Variants in PPARA observed in about 807,000 individuals in gnomAD.
PPARA encodes peroxisome proliferator activated receptor alpha.
A neutral mutation model predicts 42.2 loss-of-function variants in PPARA; 22 were observed. The observed-to-expected ratio is 0.52, with a 90% confidence interval of 0.37 to 0.74. PPARA has a LOEUF of 0.74. Among genes scored for constraint, PPARA ranks in the 30% least tolerant of loss-of-function variants. PPARA has a pLI of 0.00. For synonymous variants in PPARA, 242 were observed against 239.3 expected (o/e 1.01, Z -0.10); for missense variants, 465 against 608.2 (o/e 0.76, Z 2.48).
In PPARA at chr22:46,236,983, A is replaced by G. The variant is rs1936235533; in HGVS notation, c.*1603A>G. 1.3e-5 allele frequency: 2 copies of G among 152,216 alleles called. No homozygotes were observed. The highest frequency in any genetic ancestry group is 2.9e-5 in the Non-Finnish European group (2 of 68,054). The allele number at this position is 152,216 out of a possible 1,614,324, so 9.4% of individuals were successfully genotyped here. A position where few individuals can be genotyped will look rare whatever the true frequency, so the allele number is the denominator to read the frequency against. On this transcript the variant is annotated 3_prime_UTR_variant, in exon 9 of 9. Transcript: ENST00000407236. The surrounding 1 kb of genome is among the most constrained non-coding windows in gnomAD (Gnocchi z 5.2). ...GTCAAGAATATATGGACCTGGAAAC[A>G]CTTTCTCTCTCTGTCCACCTGGTAG...
Position 46,158,709 on chromosome 22 carries a change from A to G in PPARA, c.-127+6739A>G, listed in dbSNP as rs73886755. On this transcript the variant is annotated intron_variant, in intron 2 of 8. Transcript: ENST00000407236. ...TAATAGGGATATTTAAGTGGGATGA[A>G]TTTTTTGAAGCATTTTCAGGCAGTT... Among the ~76,000 whole-genome samples, 976 of 152,278 alleles carry G rather than the reference A, an allele frequency of 6.4e-3. 5 individuals are homozygous for G. Among genetic ancestry groups the G allele is most frequent in the African/African-American group, 0.022 (909 of 41,552 alleles).
Position 46,218,246 on chromosome 22 carries a change from G to C in PPARA, c.370-17G>C, listed in dbSNP as rs201467784. 8.1e-6 allele frequency: 13 copies of C among 1,614,038 alleles called. No homozygotes were observed. ...AGTGGCCCAGGTCTTTAAATCCACTGTGTATTACCCTCACAGGGCTTCTTT... is the reference window on the plus strand; with the variant it reads ...AGTGGCCCAGGTCTTTAAATCCACTCTGTATTACCCTCACAGGGCTTCTTT... On this transcript the variant is annotated splice_polypyrimidine_tract_variant and intron_variant, in intron 5 of 8. Coordinates refer to ENST00000407236, the MANE Select transcript of PPARA (RefSeq NM_005036.6).
intron 2 of PPARA, among the ~76,000 whole-genome samples, chr22:46,159,939 T>G (rs753108259): frequency 1.3e-5 from 2 of 152,198 alleles, no homozygotes; most frequent in Non-Finnish European, 2.9e-5. Flanking sequence ...AGAGAGAGGT[T>G]TCCAGACCCA....
chr22:46,194,568 C>CTTTT (rs1158744441), intron 3 of PPARA, among the ~76,000 whole-genome samples: 16 of 125,520 alleles, frequency 1.3e-4, no homozygotes, highest in South Asian at 5.1e-4. Flanking sequence ...TTGCTTTTTC[C>CTTTT]TTTTTTTTTT....
Position 46,161,552 on chromosome 22 carries a change from C to G in PPARA, c.-127+9582C>G, listed in dbSNP as rs1307864393. 6.6e-6 allele frequency among the ~76,000 whole-genome samples: 1 copy of G among 152,078 alleles called. No homozygotes were observed. Among genetic ancestry groups the G allele is most frequent in the East Asian group, 1.9e-4 (1 of 5,196 alleles). The stretch of plus-strand genomic sequence containing the variant: ...AGTGAACCAAGATTGTGCCACTGCA[C>G]TCCAGCCTGGCAACAGCGAGACTCC... On this transcript the variant is annotated intron_variant, in intron 2 of 8. Transcript: ENST00000407236. This position sits in a 1 kb window ranked among gnomAD's most constrained non-coding sequence, Gnocchi z 4.8.
At position 46,233,762 on chromosome 22, in the gene PPARA, T is replaced by C. The variant is rs1416765348; in HGVS notation, c.1160-1371T>C. Among the ~76,000 whole-genome samples the C allele has an allele frequency of 1.3e-5, 2 of 152,154 alleles. No individual in the cohort carries two copies. Among genetic ancestry groups the C allele is most frequent in the African/African-American group, 2.4e-5 (1 of 41,430 alleles). ...ATAGAAAAATGTCCAGTGAGATATA[T>C]GTTAAACCTATTATGGTGGGATTAA... On this transcript the variant is annotated intron_variant, in intron 8 of 8. Coordinates refer to ENST00000407236, the MANE Select transcript of PPARA (RefSeq NM_005036.6). This position sits in a 1 kb window ranked among gnomAD's most constrained non-coding sequence, Gnocchi z 7.3.
chr22:46,209,106 T>C (rs949991214), intron 4 of PPARA, among the ~76,000 whole-genome samples: 3 of 152,330 alleles, frequency 2.0e-5, no homozygotes, highest in East Asian at 1.9e-4. Context: ...TCATATGTAG[T>C]GCTATTTTTG....
intron 7 of PPARA, among the ~76,000 whole-genome samples, chr22:46,228,193 G>C (rs1478131598): frequency 6.6e-6 from 1 of 152,224 alleles, no homozygotes; most frequent in Non-Finnish European, 1.5e-5. Context: ...CCCAGGCTTG[G>C]GTGTTCATGC....
In PPARA at chr22:46,232,016, A is replaced by C; in HGVS notation, c.936A>C (p.Gly312=). Residue 312 remains glycine, a synonymous_variant, in exon 8 of 9, where the codon GGA becomes GGC. Coordinates refer to ENST00000407236, the MANE Select transcript of PPARA (RefSeq NM_005036.6). This position sits in a 1 kb window ranked among gnomAD's most constrained non-coding sequence, Gnocchi z 5.3. ...ATCAAGTGACATTGCTAAAATACGGAGTTTATGAGGCCATATTCGCCATGC... is the reference window on the plus strand; with the variant it reads ...ATCAAGTGACATTGCTAAAATACGGCGTTTATGAGGCCATATTCGCCATGC... ...LNDQVTLLKY[G]VYEAIFAMLS... The C allele has an allele frequency of 1.2e-6, 2 of 1,614,142 alleles. No individual in the cohort carries two copies. The highest frequency in any genetic ancestry group is 1.7e-6 in the Non-Finnish European group (2 of 1,180,034).
Position 46,183,641 on chromosome 22 carries a change from C to T in PPARA, c.-43+6805C>T, listed in dbSNP as rs920028916. On this transcript the variant is annotated intron_variant, in intron 3 of 8. Coordinates refer to ENST00000407236, the MANE Select transcript of PPARA (RefSeq NM_005036.6). This position sits in a 1 kb window ranked among gnomAD's most constrained non-coding sequence, Gnocchi z 5.5. Reference sequence around the variant, plus strand: ...CCTGTAGTCCCAGTTACCCGGGAGGCTGAGGTGGGAGGATCACTTGAGCCT... The same window carrying T: ...CCTGTAGTCCCAGTTACCCGGGAGGTTGAGGTGGGAGGATCACTTGAGCCT... Among the ~76,000 whole-genome samples the T allele has an allele frequency of 6.6e-6, 1 of 152,130 alleles. No individual in the cohort carries two copies. Among genetic ancestry groups the T allele is most frequent in the African/African-American group, 2.4e-5 (1 of 41,428 alleles).
chr22:46,217,827 T>C, intron 5 of PPARA, among the ~76,000 whole-genome samples: 1 of 87,102 alleles, frequency 1.1e-5, no homozygotes, highest in African/African-American at 3.6e-5. Context: ...TTCTTTTTTT[T>C]TTTTTTTTTT....
At chr22:46,223,472 G>A (rs548062108) in intron 7 of PPARA, among the ~76,000 whole-genome samples, 39 of 150,884 alleles carry the variant, frequency 2.6e-4, no homozygotes, top group Non-Finnish European at 4.6e-4. Context: ...GTGAAACCCC[G>A]TCTCTACTAA....
chr22:46,214,671 CGCGCGGGTCCGGAGAT>C (rs1313653000), intron 4 of PPARA, among the ~76,000 whole-genome samples: 7 of 116,668 alleles, frequency 6.0e-5, no homozygotes, highest in Non-Finnish European at 8.8e-5. Context: ...GGTCCGGAGA[CGCGCGGGTCCGGAGAT>C]GCGTGGGTCC....
intron 4 of PPARA, among the ~76,000 whole-genome samples, chr22:46,214,756 G>C (rs1308904904): frequency 6.6e-6 from 1 of 151,380 alleles, no homozygotes; most frequent in Non-Finnish European, 1.5e-5. Context: ...GAGATGTGCA[G>C]GTCCGGAGAT....
rs955880286 is a variant in PPARA, at chr22:46,160,899, G to A, written c.-127+8929G>A. ...GGTGTGATTCATGATGTCCAGCCCA[G>A]TATTTTTCTTTCACTCTGGAAACCA... is the stretch of plus-strand genomic sequence containing the variant. On this transcript the variant is annotated intron_variant, in intron 2 of 8. Coordinates refer to ENST00000407236, the MANE Select transcript of PPARA (RefSeq NM_005036.6). The surrounding 1 kb of genome is among the most constrained non-coding windows in gnomAD (Gnocchi z 4.5). 2.0e-5 allele frequency among the ~76,000 whole-genome samples: 3 copies of A among 152,180 alleles called. No homozygotes were observed. Among genetic ancestry groups the A allele is most frequent in the African/African-American group, 7.2e-5 (3 of 41,434 alleles).
rs1219534940 is a variant in PPARA, at chr22:46,195,781, G to A, written c.-42-2561G>A. On this transcript the variant is annotated intron_variant, in intron 3 of 8. Transcript: ENST00000407236. This position sits in a 1 kb window ranked among gnomAD's most constrained non-coding sequence, Gnocchi z 4.6. ...CCATGTGATGACGGCTGCCCTGACA[G>A]TGGCTGGTAGCAGCACATACCCCCG... Among the ~76,000 whole-genome samples the A allele has an allele frequency of 2.6e-5, 4 of 152,188 alleles. No individual in the cohort carries two copies. Among genetic ancestry groups the A allele is most frequent in the African/African-American group, 9.7e-5 (4 of 41,444 alleles).
At position 46,167,313 on chromosome 22, in the gene PPARA, TATGTC is replaced by T. The variant is rs1444483040; in HGVS notation, c.-126-9437_-126-9433del. Among the ~76,000 whole-genome samples the T allele has an allele frequency of 3.3e-5, 5 of 151,658 alleles. No homozygotes were observed. The highest frequency in any genetic ancestry group is 4.8e-5 in the African/African-American group (2 of 41,304). ...TGTAATATATATTATATGATACTGT[TATGTC>T]ATATAATTATTATTGAAATGGGTCA... On this transcript the variant is annotated intron_variant, in intron 2 of 8. Coordinates refer to ENST00000407236, the MANE Select transcript of PPARA (RefSeq NM_005036.6). This position sits in a 1 kb window ranked among gnomAD's most constrained non-coding sequence, Gnocchi z 4.1.
rs1017962064 is a variant in PPARA, at chr22:46,242,717, G to A, written c.*7337G>A. On this transcript the variant is annotated 3_prime_UTR_variant, in exon 9 of 9. Transcript: ENST00000407236. This position sits in a 1 kb window ranked among gnomAD's most constrained non-coding sequence, Gnocchi z 6.1. ...AAATCAAACATCTAAAATACACTGC[G>A]TACACGTGTGCGTGCACACACACAC... The A allele has an allele frequency of 8.9e-5, 13 of 145,294 alleles. No individual in the cohort carries two copies. Among genetic ancestry groups the A allele is most frequent in the African/African-American group, 2.2e-4 (8 of 36,940 alleles). The allele number at this position is 145,294 out of a possible 1,614,324, so 9.0% of individuals were successfully genotyped here.
Position 46,195,331 on chromosome 22 carries a change from A to G in PPARA, c.-42-3011A>G, listed in dbSNP as rs1932107437. On this transcript the variant is annotated intron_variant, in intron 3 of 8. Transcript: ENST00000407236. The surrounding 1 kb of genome is among the most constrained non-coding windows in gnomAD (Gnocchi z 4.6). ...TGCTTACCCCATTATGTTTCTTGTCATTTGAAAAAAAATCTCCCTTCAGAC... is the reference window on the plus strand; with the variant it reads ...TGCTTACCCCATTATGTTTCTTGTCGTTTGAAAAAAAATCTCCCTTCAGAC... Among the ~76,000 whole-genome samples the G allele has an allele frequency of 6.6e-6, 1 of 152,166 alleles. No individual in the cohort carries two copies. The highest frequency in any genetic ancestry group is 1.9e-4 in the East Asian group (1 of 5,198).
Sources: allele counts gnomAD v4.1 joint callset (sites outside exome capture counted in the v4.1 genomes callset), GRCh38; gene constraint gnomAD v4.1.1; non-coding constraint Gnocchi (gnomAD v3.1); transcripts MANE v1.5; gene names NCBI Gene and HGNC (gene_info 2026-07-23, HGNC 2026-07-21).